Variants in NUBPL observed in about 807,000 individuals in gnomAD.
The protein encoded by NUBPL is NUBP iron-sulfur cluster assembly factor, mitochondrial.
In NUBPL, 31 loss-of-function variants were observed where a neutral mutation model predicts 45.7. The observed-to-expected ratio is 0.68, with a 90% CI of 0.51 to 0.92. The LOEUF (loss-of-function observed/expected upper bound fraction) is 0.92. Ranked by LOEUF, NUBPL falls within the 40% of genes least tolerant of loss-of-function variation. The probability of loss-of-function intolerance (pLI) is 0.00; values close to 1 mark genes in which losing one functional copy is unlikely to be tolerated. For synonymous variants in NUBPL, 144 were observed against 140.9 expected (o/e 1.02, Z -0.15); for missense variants, 401 against 398.7 (o/e 1.01, Z -0.05).
chr14:31,697,074 T>C (rs982786679), intron 6 of NUBPL, among the ~76,000 whole-genome samples: 2 of 152,252 alleles, frequency 1.3e-5, no homozygotes, highest in Non-Finnish European at 2.9e-5. Flanking sequence ...TCTTTTGTTC[T>C]GACCAGACAG....
At chr14:31,717,433 A>G (rs574035992) in intron 6 of NUBPL, among the ~76,000 whole-genome samples, 1 of 152,242 alleles carries the variant, frequency 6.6e-6, no homozygotes, top group South Asian at 2.1e-4. Context: ...GCCTTTATAC[A>G]TGCTGCTTCC....
intron 4 of NUBPL, among the ~76,000 whole-genome samples, chr14:31,611,403 G>T (rs541736312): frequency 2.1e-4 from 32 of 152,088 alleles, no homozygotes; most frequent in Admixed American, 1.0e-3. Flanking sequence ...GTAAAACACT[G>T]ATGCAAATAA....
intron 3 of NUBPL, chr14:31,577,848 G>A (rs1479344338): frequency 2.5e-6 from 1 of 396,032 alleles, no homozygotes; most frequent in Non-Finnish European, 3.4e-6. Context: ...GTCTTGGATT[G>A]GATGTCACTT....
chr14:31,615,370 C>T (rs1201920452), intron 4 of NUBPL, among the ~76,000 whole-genome samples: 3 of 151,986 alleles, frequency 2.0e-5, no homozygotes, highest in Non-Finnish European at 2.9e-5. Context: ...TAGGTATACA[C>T]GTGCCATGGT....
chr14:31,612,667 AAAAAG>A (rs200066068), intron 4 of NUBPL, among the ~76,000 whole-genome samples: 4,411 of 152,118 alleles, frequency 0.029, 70 homozygotes, highest in Non-Finnish European at 0.041. Flanking sequence ...CTCAGAAAAA[AAAAAG>A]AAAAGAAAAG....
At chr14:31,785,317 C>T (rs146803837) in intron 6 of NUBPL, among the ~76,000 whole-genome samples, 3 of 152,264 alleles carry the variant, frequency 2.0e-5, no homozygotes, top group East Asian at 1.9e-4. Context: ...CAGACCAGTA[C>T]CAGACCATGG....
In NUBPL at chr14:31,591,009, AAG is replaced by A. The variant is rs142178876; in HGVS notation, c.292-8278_292-8277del. ...ACTTAAGGCAACTGTTTTCTTGTTA[AAG>A]AAGAAGTTGCTTCTCCAGTTCCGGA... On this transcript the variant is annotated intron_variant, in intron 3 of 10. Transcript: ENST00000281081. Among the ~76,000 whole-genome samples, 437 of 152,302 alleles carry A rather than the reference AAG, an allele frequency of 2.9e-3. 1 individual carries two copies. Among genetic ancestry groups the A allele is most frequent in the African/African-American group, 9.8e-3 (408 of 41,566 alleles).
rs1213115470 is a variant in NUBPL at position 31,568,784 on chromosome 14, A to C, written c.291+3736A>C. Among the ~76,000 whole-genome samples the C allele has an allele frequency of 2.0e-5, 3 of 152,348 alleles. No individual in the cohort carries two copies. The East Asian group carries it at 5.8e-4, about 29-fold the overall frequency. Reference sequence around the variant, plus strand: ...ATTTCATGGAGTGGCAAGATCTAATAAGATAAGGTTGTAGGCCTAGGGGAA... The same window carrying C: ...ATTTCATGGAGTGGCAAGATCTAATCAGATAAGGTTGTAGGCCTAGGGGAA... On this transcript the variant is annotated intron_variant, in intron 3 of 10. Coordinates refer to ENST00000281081, the MANE Select transcript of NUBPL (RefSeq NM_025152.3).
At chr14:31,618,792 T>A (rs1452390254) in intron 4 of NUBPL, among the ~76,000 whole-genome samples, 1 of 151,886 alleles carries the variant, frequency 6.6e-6, no homozygotes, top group Non-Finnish European at 1.5e-5. Flanking sequence ...CTATTAGGTC[T>A]GCTTGGTCCT....
chr14:31,571,647 A>T lies in NUBPL; in HGVS notation c.291+6599A>T, dbSNP rs571583757. Among the ~76,000 whole-genome samples the T allele has an allele frequency of 2.5e-3, 376 of 152,126 alleles. 1 individual carries two copies. The highest frequency in any genetic ancestry group is 8.2e-3 in the African/African-American group (342 of 41,484). On this transcript the variant is annotated intron_variant, in intron 3 of 10. Coordinates refer to ENST00000281081, the MANE Select transcript of NUBPL (RefSeq NM_025152.3). Reference sequence around the variant, plus strand: ...GAATTTTTTGTAGAGACGGGGTTTCATCATGTTGGCCAGGCTGGTCTCGAA... The same window carrying T: ...GAATTTTTTGTAGAGACGGGGTTTCTTCATGTTGGCCAGGCTGGTCTCGAA...
chr14:31,831,543 C>A (rs867981045), intron 8 of NUBPL, among the ~76,000 whole-genome samples: 1 of 145,246 alleles, frequency 6.9e-6, no homozygotes, highest in South Asian at 2.2e-4. Flanking sequence ...AGCTCTATGA[C>A]CACCTGTCTC....
rs572594684 is a variant in NUBPL at position 31,815,916 on chromosome 14, G to A, written c.608-10713G>A. 4.6e-5 allele frequency among the ~76,000 whole-genome samples: 7 copies of A among 152,282 alleles called. No individual in the cohort carries two copies. The East Asian group carries it at 1.2e-3, about 25-fold the overall frequency. ...GATAATGGTGGATAAGCTTTTTTAT[G>A]TGCTGCTGGATTCGGTTTGCCAGTA... is the stretch of plus-strand genomic sequence containing the variant. On this transcript the variant is annotated intron_variant, in intron 7 of 10. Coordinates refer to ENST00000281081, the MANE Select transcript of NUBPL (RefSeq NM_025152.3).
chr14:31,575,210 T>C (rs2033688425), intron 3 of NUBPL, among the ~76,000 whole-genome samples: 1 of 152,186 alleles, frequency 6.6e-6, no homozygotes. Context: ...CAGAACAAAC[T>C]AAGAAATTGT....
At chr14:31,700,996 A>G (rs1048354266) in intron 6 of NUBPL, among the ~76,000 whole-genome samples, 9 of 152,290 alleles carry the variant, frequency 5.9e-5, no homozygotes, top group African/African-American at 2.2e-4. Flanking sequence ...TCCACTAGAC[A>G]AAGCCAGCTG....
intron 6 of NUBPL, among the ~76,000 whole-genome samples, chr14:31,713,171 A>T (rs1181573167): frequency 2.0e-5 from 3 of 152,198 alleles, no homozygotes; most frequent in African/African-American, 4.8e-5. Context: ...TATTTATTTT[A>T]AAAAACTACT....
At chr14:31,650,403 C>T (rs2035970288) in intron 4 of NUBPL, among the ~76,000 whole-genome samples, 1 of 151,600 alleles carries the variant, frequency 6.6e-6, no homozygotes. Flanking sequence ...CATTCTCCTG[C>T]CTCAGCCTCC....
intron 9 of NUBPL, among the ~76,000 whole-genome samples, chr14:31,848,240 C>T (rs1425717081): frequency 1.3e-5 from 2 of 152,182 alleles, no homozygotes; most frequent in African/African-American, 2.4e-5. Context: ...CGTTAGGGCA[C>T]GTCCCCTCCT....
intron 7 of NUBPL, among the ~76,000 whole-genome samples, chr14:31,815,019 G>A (rs892112979): frequency 7.2e-5 from 11 of 152,074 alleles, no homozygotes; most frequent in Non-Finnish European, 1.6e-4. Context: ...TGGCTATATG[G>A]GCTCTTTTTT....
At chr14:31,663,182 G>T (rs1308414305) in intron 4 of NUBPL, among the ~76,000 whole-genome samples, 1 of 152,148 alleles carries the variant, frequency 6.6e-6, no homozygotes, top group East Asian at 1.9e-4. Context: ...CTACCATTCT[G>T]TAGGTTGCCT....
Sources: allele counts gnomAD v4.1 joint callset (sites outside exome capture counted in the v4.1 genomes callset), GRCh38; gene constraint gnomAD v4.1.1; transcripts MANE v1.5; gene names NCBI Gene and HGNC (gene_info 2026-07-23, HGNC 2026-07-21).